STAC3: variants seen among roughly 807,000 people sequenced by gnomAD.
STAC3 encodes the protein SH3 and cysteine rich domain 3.
Under a neutral mutation model 48.5 loss-of-function variants are expected in STAC3, and 30 were observed. That is an observed-to-expected ratio of 0.62 (90% CI 0.46 to 0.84). The LOEUF (loss-of-function observed/expected upper bound fraction) is 0.84. STAC3 is among the 40% of genes least tolerant of loss of function. STAC3 has a pLI of 0.00. For missense variants in STAC3, 419 were observed against 462.6 expected (o/e 0.91, Z 0.86); for synonymous variants, 144 against 158.6 (o/e 0.91, Z 0.69).
In STAC3 at chr12:57,248,216, A is replaced by AG. The variant is rs886506028; in HGVS notation, c.433-19dup. 1.9e-6 allele frequency: 3 copies of AG among 1,602,874 alleles called. No homozygotes were observed. The highest frequency in any genetic ancestry group is 1.7e-5 in the Admixed American group (1 of 60,006). On this transcript the variant is annotated intron_variant, in intron 4 of 11. Coordinates refer to ENST00000332782, the MANE Select transcript of STAC3 (RefSeq NM_145064.3). ...CCAGGTGGCTGTAGGATGGGATGAGAGGAAGCATTAGAGGTAGCAAAGTAA... is the reference window on the plus strand; with the variant it reads ...CCAGGTGGCTGTAGGATGGGATGAGAGGGAAGCATTAGAGGTAGCAAAGTAA...
rs1269333123 is a variant in STAC3 at position 57,248,152 on chromosome 12, T to C, written c.479A>G (p.Gln160Arg). 6.2e-7 allele frequency: 1 copy of C among 1,614,054 alleles called. No homozygotes were observed. Among genetic ancestry groups the C allele is most frequent in the South Asian group, 1.1e-5 (1 of 91,084 alleles). The change falls in exon 5 of 12, where the codon CAG becomes CGG. Residue 160 changes from glutamine (Q) to arginine (R), a missense_variant. Transcript: ENST00000332782. ...GAGATCTTTGACACAAGCGTACTGC[T>C]GGTTGCTGTAGAGTGGGGAACTATA... Reference protein sequence around the residue: ...RAYSSPLYSNQQYACVKDLSA... With the variant: ...RAYSSPLYSNRQYACVKDLSA...
chr12:57,243,580 G>A lies in STAC3; in HGVS notation c.*232C>T, dbSNP rs1254018697. 6 of 681,492 alleles carry A rather than the reference G, an allele frequency of 8.8e-6. No individual in the cohort carries two copies. The highest frequency in any genetic ancestry group is 3.6e-5 in the African/African-American group (2 of 55,834). 42.2% of individuals were successfully genotyped at this position (681,492 alleles called of 1,614,324 possible). A position where few individuals can be genotyped will look rare whatever the true frequency, so the allele number is the denominator to read the frequency against. ...ACGCGTTTTTTTCCAGCTCTTGCAA[G>A]CGGGGCCTGAAAGGTTTCGGGTCCG... is the stretch of plus-strand genomic sequence containing the variant. On this transcript the variant is annotated 3_prime_UTR_variant, in exon 12 of 12. Coordinates refer to ENST00000332782, the MANE Select transcript of STAC3 (RefSeq NM_145064.3).
At chr12:57,249,430 A>AG in intron 2 of STAC3, 122 bp from the exon 3 acceptor site, 1 of 1,485,058 alleles carries the variant, frequency 6.7e-7, no homozygotes. Context: ...CCCCAGGATT[A>AG]GGGGGGTATT....
At chr12:57,248,852 C>G (rs371035674) in intron 3 of STAC3, 49 bp from the exon 4 acceptor site, 5 of 1,558,418 alleles carry the variant, frequency 3.2e-6, no homozygotes, top group Non-Finnish European at 8.8e-7. Flanking sequence ...TTGCCCTTTC[C>G]CTTTGTACCA....
chr12:57,249,375 G>T, intron 2 of STAC3, 67 bp from the exon 3 acceptor site: 1 of 1,521,770 alleles, frequency 6.6e-7, no homozygotes. Context: ...GTAGGGGGGC[G>T]CTAGAGCAAA....
chr12:57,245,988 A>G (rs1226817106), intron 6 of STAC3, among the ~76,000 whole-genome samples: 4 of 151,776 alleles, frequency 2.6e-5, no homozygotes, highest in Admixed American at 6.6e-5. Flanking sequence ...ACATGCCTGT[A>G]ATCCCAGCTA....
In STAC3 at chr12:57,244,592, A is replaced by G. The variant is rs571910290; in HGVS notation, c.751T>C (p.Tyr251His). Residue 251 changes from tyrosine to histidine, a missense_variant, in exon 9 of 12, where the codon TAC becomes CAC. Transcript: ENST00000332782. ...HKQPGFQQSH[Y>H]FVALYRFKAL... Reference sequence around the variant, plus strand: ...TTGAACCGATAGAGAGCCACAAAGTAATGAGACTGCTGGAAGCCAGGCTGC... The same window carrying G: ...TTGAACCGATAGAGAGCCACAAAGTGATGAGACTGCTGGAAGCCAGGCTGC... The G allele has an allele frequency of 6.2e-7, 1 of 1,614,222 alleles. No individual in the cohort carries two copies. The highest frequency in any genetic ancestry group is 8.5e-7 in the Non-Finnish European group (1 of 1,180,050).
intron 1 of STAC3, among the ~76,000 whole-genome samples, chr12:57,250,389 CAAAAAAA>C (rs58777318): frequency 4.7e-5 from 2 of 42,390 alleles, no homozygotes; most frequent in African/African-American, 1.9e-4. Flanking sequence ...GACTTCGTCT[CAAAAAAA>C]AAAAAAAAAA....
In STAC3 at chr12:57,244,544, C is replaced by A; in HGVS notation, c.799G>T (p.Asp267Tyr). 1 of 1,614,258 alleles carries A rather than the reference C, an allele frequency of 6.2e-7. No individual in the cohort carries two copies. The highest frequency in any genetic ancestry group is 8.5e-7 in the Non-Finnish European group (1 of 1,180,052). The change falls in exon 9 of 12, where the codon GAT (aspartate) becomes TAT (tyrosine). Residue 267 changes from aspartate to tyrosine, a missense_variant. Transcript: ENST00000332782. ...RFKALEKDDL[D>Y]FPPGEKITVI... is the part of the protein sequence containing the mutation. ...TGCCCCAAGGCCTCTCACGGGAAAT[C>A]CAGATCGTCCTTCTCCAGGGCTTTG...
intron 5 of STAC3, 149 bp from the exon 6 acceptor site, chr12:57,247,050 C>A: frequency 1.5e-6 from 1 of 672,652 alleles, no homozygotes; most frequent in South Asian, 1.7e-5. Context: ...AGGGAAGGGT[C>A]AGCTAGGCAA....
rs776989946 is a variant in STAC3 at position 57,248,760 on chromosome 12, G to A, written c.378C>T (p.Asn126=). The change falls in exon 4 of 12, where the codon AAC becomes AAT. Residue 126 remains asparagine, a synonymous_variant. Transcript: ENST00000332782. ...FGLRCKNCKT[N]IHEHCQSYVE... ...CATAGGACTGACAGTGTTCATGGAT[G>A]TTGGTTTTGCAGTTCTTACAGCGAA... 42 of 1,614,064 alleles carry A rather than the reference G, an allele frequency of 2.6e-5. 1 individual carries two copies. The East Asian group carries it at 3.1e-4, about 12-fold the overall frequency.
Position 57,243,491 on chromosome 12 carries a change from A to T in STAC3, c.*321T>A, listed in dbSNP as rs1021876945. On this transcript the variant is annotated 3_prime_UTR_variant, in exon 12 of 12. Transcript: ENST00000332782. ...GTCAAAAGTTTAATAAATTCGCAAC[A>T]TTCGACAGTTCGCCCTCCCTCGCCC... 1.2e-5 allele frequency: 7 copies of T among 577,744 alleles called. No individual in the cohort carries two copies. The East Asian group carries it at 2.5e-4, about 20-fold the overall frequency. 35.8% of individuals were successfully genotyped at this position (577,744 alleles called of 1,614,324 possible). A position where few individuals can be genotyped will look rare whatever the true frequency, so the allele number is the denominator to read the frequency against.
intron 1 of STAC3, chr12:57,249,848 C>A: frequency 2.0e-6 from 1 of 492,180 alleles, no homozygotes; most frequent in Non-Finnish European, 3.7e-6. Flanking sequence ...CTCGACCTCC[C>A]AGCCTGAAGC....
intron 5 of STAC3, among the ~76,000 whole-genome samples, chr12:57,247,143 C>G (rs1190652517): frequency 1.3e-5 from 2 of 152,108 alleles, no homozygotes; most frequent in African/African-American, 4.8e-5. Context: ...ATTAGAACTC[C>G]TTCCAGGCAG....
rs2037705500 is a variant in STAC3 at position 57,245,164 on chromosome 12, C to T, written c.651G>A (p.Glu217=). The change falls in exon 7 of 12, where the codon GAG becomes GAA. Residue 217 remains glutamate, a synonymous_variant. Transcript: ENST00000332782. The part of the protein sequence containing the change: ...MEEEPESARP[E]EGKPQDGNPE... ...ACTCACCATCCTGGGGTTTGCCTTC[C>T]TCTGGTCTGGCCGACTCTGGCTCCT... 1.2e-6 allele frequency: 2 copies of T among 1,613,998 alleles called. No homozygotes were observed. The highest frequency in any genetic ancestry group is 1.7e-5 in the Admixed American group (1 of 59,998).
At chr12:57,247,428 A>ATTTTTTTTT (rs367784960) in intron 5 of STAC3, among the ~76,000 whole-genome samples, 3 of 58,532 alleles carry the variant, frequency 5.1e-5, no homozygotes, top group African/African-American at 1.7e-4. Context: ...TATTATTATT[A>ATTTTTTTTT]TTTTTTTTTT....
chr12:57,244,408 C>T (rs572607446), intron 9 of STAC3, 42 bp from the exon 10 acceptor site: 15 of 1,613,842 alleles, frequency 9.3e-6, no homozygotes, highest in East Asian at 4.5e-5. Context: ...TAGCAGGTCC[C>T]CTGCTGTGCC....
In STAC3 at chr12:57,243,731, G is replaced by A. The variant is rs775181249; in HGVS notation, c.*81C>T. 34 of 1,331,828 alleles carry A rather than the reference G, an allele frequency of 2.6e-5. No individual in the cohort carries two copies. The highest frequency in any genetic ancestry group is 3.7e-5 in the Admixed American group (2 of 53,864). The allele number at this position is 1,331,828 out of a possible 1,614,324, so 82.5% of individuals were successfully genotyped here. The stretch of plus-strand genomic sequence containing the variant: ...CCCCTCCTCTCCCAGCAGTCCCGTT[G>A]CTTTCGCCCCCCTCCCCAAACTCCA... On this transcript the variant is annotated 3_prime_UTR_variant, in exon 12 of 12. Coordinates refer to ENST00000332782, the MANE Select transcript of STAC3 (RefSeq NM_145064.3).
At position 57,244,850 on chromosome 12, in the gene STAC3, G is replaced by A. The variant is rs545230663; in HGVS notation, c.720+66C>T. 1.6e-5 allele frequency: 25 copies of A among 1,568,060 alleles called. No individual in the cohort carries two copies. The Admixed American group carries it at 4.2e-4, about 26-fold the overall frequency. ...AAGAGTGAGCTTCTGCCAGGGCCAT[G>A]AGTAGTGGTGTCAGAGCTGGGTTGG... On this transcript the variant is annotated intron_variant, in intron 8 of 11. Transcript: ENST00000332782.
Sources: allele counts gnomAD v4.1 joint callset (sites outside exome capture counted in the v4.1 genomes callset), GRCh38; gene constraint gnomAD v4.1.1; transcripts MANE v1.5; gene names NCBI Gene and HGNC (gene_info 2026-07-23, HGNC 2026-07-21).